PAGE1: variants seen among roughly 807,000 people sequenced by gnomAD.
PAGE1 encodes the protein PAGE family member 1, also known as P antigen family member 1.
Under a neutral mutation model 11.5 loss-of-function variants are expected in PAGE1, and 6 were observed. The observed-to-expected ratio is 0.52, with a 90% confidence interval of 0.29 to 1.03. The LOEUF is 1.03. Among genes scored for constraint, PAGE1 ranks in the 50% least tolerant of loss-of-function variants. The probability of loss-of-function intolerance (pLI) is 0.09; values close to 1 mark genes in which losing one functional copy is unlikely to be tolerated. For missense variants in PAGE1, 120 were observed against 110.2 expected (o/e 1.09, Z -0.40); for synonymous variants, 42 against 40.2 (o/e 1.05, Z -0.17).
chrX:49,690,814 C>T (rs1479810430), intron 4 of PAGE1, among the ~76,000 whole-genome samples: 4 of 106,586 alleles, frequency 3.8e-5, no homozygotes, highest in Non-Finnish European at 5.8e-5. Flanking sequence ...CACTTGAGGT[C>T]GGGAGTTCAA....
At position 49,689,560 on chromosome X, in the gene PAGE1, A is replaced by AT; in HGVS notation, c.293-18_293-17insA. ...GCTCTGGCCCTTAAAAAAAAAAAAAAAAAAAAAAAAAAAAAATATATATAT... is the reference window on the plus strand; with the variant it reads ...GCTCTGGCCCTTAAAAAAAAAAAAAATAAAAAAAAAAAAAAAATATATATAT... On this transcript the variant is annotated splice_polypyrimidine_tract_variant and intron_variant, in intron 4 of 5. Coordinates refer to ENST00000376150, the MANE Select transcript of PAGE1 (RefSeq NM_003785.4). 5.5e-6 allele frequency: 1 copy of AT among 182,439 alleles called. No homozygotes were observed. The highest frequency in any genetic ancestry group is 1.1e-4 in the African/African-American group (1 of 9,174). The allele number at this position is 182,439 out of a possible 1,213,427, so 15.0% of individuals were successfully genotyped here.
intron 3 of PAGE1, among the ~76,000 whole-genome samples, chrX:49,692,952 A>AT (rs1193886572): frequency 9.0e-6 from 1 of 111,105 alleles, no homozygotes; most frequent in Non-Finnish European, 1.9e-5. Context: ...CAATCTAAGG[A>AT]TAAACCACAG....
chrX:49,694,046 A>G, intron 3 of PAGE1, 53 bp downstream of exon 3: 1 of 667,706 alleles, frequency 1.5e-6, no homozygotes, highest in Non-Finnish European at 2.4e-6. Context: ...ACACACACAC[A>G]CACACACACA....
chrX:49,692,122 G>A (rs1338395452), intron 3 of PAGE1, among the ~76,000 whole-genome samples: 2 of 109,996 alleles, frequency 1.8e-5, no homozygotes, highest in Admixed American at 1.9e-4. Flanking sequence ...ACTCCAACCT[G>A]GGCAACAGAG....
chrX:49,692,782 T>C (rs781804650), intron 3 of PAGE1, among the ~76,000 whole-genome samples: 2 of 106,367 alleles, frequency 1.9e-5, no homozygotes, highest in Non-Finnish European at 3.8e-5. Context: ...ACGAAACATT[T>C]ATTATTTATT....
At chrX:49,691,193 T>G in intron 4 of PAGE1, 56 bp downstream of exon 4, 1 of 1,163,087 alleles carries the variant, frequency 8.6e-7, no homozygotes, top group South Asian at 2.0e-5. Context: ...AAAAAGAAAA[T>G]TATAATACTG....
chrX:49,689,925 TAGG>T (rs201293200), intron 4 of PAGE1, among the ~76,000 whole-genome samples: 1 of 476 alleles, frequency 2.1e-3, no homozygotes, highest in Non-Finnish European at 3.1e-3. Context: ...CACACATATA[TAGG>T]GTGTATATAT....
chrX:49,694,021 G>C (rs868915726), intron 3 of PAGE1, 78 bp downstream of exon 3: 2 of 363,534 alleles, frequency 5.5e-6, no homozygotes, highest in East Asian at 5.7e-5. Context: ...CAATGCATGA[G>C]ACACACACAC....
At chrX:49,690,520 A>G (rs1569533503) in intron 4 of PAGE1, among the ~76,000 whole-genome samples, 1 of 110,925 alleles carries the variant, frequency 9.0e-6, no homozygotes, top group Non-Finnish European at 1.9e-5. Flanking sequence ...CGCTGAGTGA[A>G]AAAAGTTCTT....
intron 3 of PAGE1, among the ~76,000 whole-genome samples, chrX:49,692,010 G>A (rs1034418036): frequency 9.0e-6 from 1 of 110,593 alleles, no homozygotes. Context: ...AGGCAGGTGC[G>A]GTGGCCATTG....
Position 49,687,489 on chromosome X carries a change from T to G in PAGE1, c.*52A>C. ...TAAAGCTTTATTGGGAGAATTTTAA[T>G]GGTCAAATTTCCAACACAGGAGCAG... On this transcript the variant is annotated 3_prime_UTR_variant, in exon 6 of 6. Coordinates refer to ENST00000376150, the MANE Select transcript of PAGE1 (RefSeq NM_003785.4). 8.8e-7 allele frequency: 1 copy of G among 1,138,877 alleles called. No individual in the cohort carries two copies. The highest frequency in any genetic ancestry group is 1.2e-6 in the Non-Finnish European group (1 of 829,957). 93.9% of individuals were successfully genotyped at this position (1,138,877 alleles called of 1,213,427 possible).
intron 4 of PAGE1, among the ~76,000 whole-genome samples, chrX:49,689,825 T>G (rs1569533449): frequency 1.7e-5 from 1 of 59,165 alleles, no homozygotes; most frequent in Non-Finnish European, 2.7e-5. Context: ...CACACATATA[T>G]GTGTATATAT....
chrX:49,690,975 C>T (rs1378784336), intron 4 of PAGE1, among the ~76,000 whole-genome samples: 2 of 111,154 alleles, frequency 1.8e-5, no homozygotes, highest in East Asian at 2.8e-4. Context: ...GTCAGGAGTT[C>T]GACACCTGCC....
At chrX:49,691,541 G>A (rs901583072) in intron 3 of PAGE1, among the ~76,000 whole-genome samples, 167 bp from the exon 4 acceptor site, 17 of 112,103 alleles carry the variant, frequency 1.5e-4, no homozygotes, top group South Asian at 3.8e-4. Flanking sequence ...GTTGGCAGAA[G>A]ACAGGAAAAC....
rs2066934513 is a variant in PAGE1 at position 49,694,723 on chromosome X, A to G, written c.48T>C (p.Tyr16=). ...GCCCAATTACCTCAGAAGATTCTACATAGATCATTGGTCTACGCCGATAGA... is the reference window on the plus strand; with the variant it reads ...GCCCAATTACCTCAGAAGATTCTACGTAGATCATTGGTCTACGCCGATAGA... The part of the protein sequence containing the change: ...RLIYRRRPMI[Y]VESSEESSDE... The change falls in exon 2 of 6, where the codon TAT becomes TAC. Residue 16 remains tyrosine, a synonymous_variant. Transcript: ENST00000376150. 2 of 1,196,148 alleles carry G rather than the reference A, an allele frequency of 1.7e-6. No individual in the cohort carries two copies. Among genetic ancestry groups the G allele is most frequent in the Non-Finnish European group, 2.3e-6 (2 of 882,825 alleles).
chrX:49,689,042 T>C (rs1177135019), intron 5 of PAGE1, among the ~76,000 whole-genome samples: 1 of 111,754 alleles, frequency 8.9e-6, no homozygotes, highest in Non-Finnish European at 1.9e-5. Flanking sequence ...CCCTGTGTTA[T>C]TAAAAACATA....
intron 1 of PAGE1, among the ~76,000 whole-genome samples, chrX:49,695,620 G>A (rs782582268): frequency 2.2e-4 from 25 of 112,066 alleles, no homozygotes; most frequent in Non-Finnish European, 3.6e-4. Context: ...TTTCACCTGA[G>A]CCCCTGACCG....
intron 4 of PAGE1, among the ~76,000 whole-genome samples, chrX:49,690,307 GA>G (rs1557142071): frequency 9.3e-6 from 1 of 107,689 alleles, no homozygotes; most frequent in African/African-American, 3.4e-5. Context: ...CAGAAAACAG[GA>G]AAACAGGGTT....
chrX:49,689,647 T>G (rs782388377), intron 4 of PAGE1, 104 bp from the exon 5 acceptor site: 2 of 87,661 alleles, frequency 2.3e-5, no homozygotes, highest in South Asian at 1.8e-3. Flanking sequence ...CATATATATG[T>G]GTGTGTATAT....
Sources: allele counts gnomAD v4.1 joint callset (sites outside exome capture counted in the v4.1 genomes callset), GRCh38; gene constraint gnomAD v4.1.1; transcripts MANE v1.5; gene names NCBI Gene and HGNC (gene_info 2026-07-23, HGNC 2026-07-21).